PDGFD: variants seen among roughly 807,000 people sequenced by gnomAD.
PDGFD encodes platelet-derived growth factor D.
A neutral mutation model predicts 44.7 loss-of-function variants in PDGFD; 30 were observed. The observed-to-expected ratio is 0.67, with a 90% CI of 0.50 to 0.91. The LOEUF (loss-of-function observed/expected upper bound fraction) is 0.91, where lower values mean the gene tolerates loss of function less well. PDGFD is among the 40% of genes least tolerant of loss of function. The pLI is 0.00. For synonymous variants in PDGFD, 173 were observed against 168.4 expected (o/e 1.03, Z -0.21); for missense variants, 445 against 457.8 (o/e 0.97, Z 0.25).
At position 103,908,398 on chromosome 11, in the gene PDGFD, A is replaced by G. The variant is rs1037735919; in HGVS notation, c.*1296T>C. On this transcript the variant is annotated 3_prime_UTR_variant, in exon 7 of 7. Coordinates refer to ENST00000393158, the MANE Select transcript of PDGFD (RefSeq NM_025208.5). ...GCAGGGCCAAACTTGTGTTACCACA[A>G]TTGACAACTGGCTTCTTAAAGCAAG... is the stretch of plus-strand genomic sequence containing the variant. The G allele has an allele frequency of 3.9e-5, 6 of 152,382 alleles. No homozygotes were observed. Among genetic ancestry groups the G allele is most frequent in the South Asian group, 2.1e-4 (1 of 4,834 alleles). The allele number at this position is 152,382 out of a possible 1,614,324, so 9.4% of individuals were successfully genotyped here.
intron 3 of PDGFD, among the ~76,000 whole-genome samples, chr11:103,984,232 A>C (rs758157474): frequency 1.3e-5 from 2 of 151,748 alleles, no homozygotes; most frequent in African/African-American, 2.4e-5. Flanking sequence ...TGCAGCCATA[A>C]AAAAGAATGA....
chr11:104,051,989 CCCTATACACCTTATG>C (rs1860545791), intron 1 of PDGFD, among the ~76,000 whole-genome samples: 2 of 152,112 alleles, frequency 1.3e-5, no homozygotes, highest in South Asian at 4.1e-4. Context: ...CAAAGGGAAA[CCCTATACACCTTATG>C]CAATTGCTCC....
At chr11:104,126,932 G>T (rs921512999) in intron 1 of PDGFD, among the ~76,000 whole-genome samples, 3 of 151,992 alleles carry the variant, frequency 2.0e-5, no homozygotes, top group African/African-American at 7.3e-5. Flanking sequence ...AGGAAGCCTT[G>T]GTGATACAGC....
At chr11:103,924,502 T>A (rs565489393) in intron 6 of PDGFD, among the ~76,000 whole-genome samples, 11 of 127,534 alleles carry the variant, frequency 8.6e-5, no homozygotes, top group African/African-American at 3.4e-4. Flanking sequence ...GTGGGGTGGA[T>A]CAAGCAATTC....
intron 3 of PDGFD, among the ~76,000 whole-genome samples, chr11:103,962,786 G>T (rs1858958828): frequency 6.6e-6 from 1 of 152,130 alleles, no homozygotes; most frequent in Non-Finnish European, 1.5e-5. Flanking sequence ...CCTCCATAGG[G>T]TTAGTTTGAG....
chr11:103,985,765 G>A (rs553176265), intron 3 of PDGFD, among the ~76,000 whole-genome samples: 4 of 152,206 alleles, frequency 2.6e-5, no homozygotes, highest in Admixed American at 6.5e-5. Context: ...ACATATTTCC[G>A]TAGAAAACTG....
intron 3 of PDGFD, among the ~76,000 whole-genome samples, chr11:103,978,145 T>C (rs1859211714): frequency 6.6e-6 from 1 of 152,100 alleles, no homozygotes; most frequent in African/African-American, 2.4e-5. Context: ...CTTTTCTGTG[T>C]AAACAAACAT....
At chr11:103,981,556 C>A (rs967035904) in intron 3 of PDGFD, among the ~76,000 whole-genome samples, 2 of 151,630 alleles carry the variant, frequency 1.3e-5, no homozygotes, top group African/African-American at 4.9e-5. Context: ...TGAATCCTTC[C>A]CATTTTACAA....
chr11:104,126,804 G>A (rs751249117), intron 1 of PDGFD, among the ~76,000 whole-genome samples: 6 of 151,866 alleles, frequency 4.0e-5, no homozygotes, highest in Non-Finnish European at 8.8e-5. Context: ...ATACCTCAAT[G>A]CAAGTAAAAA....
intron 1 of PDGFD, among the ~76,000 whole-genome samples, chr11:104,130,524 T>C (rs949428783): frequency 6.6e-6 from 1 of 152,164 alleles, no homozygotes; most frequent in Non-Finnish European, 1.5e-5. Context: ...CTGAGCAACA[T>C]AAATTAATGC....
intron 1 of PDGFD, among the ~76,000 whole-genome samples, chr11:104,091,221 T>A (rs1307239740): frequency 6.6e-6 from 1 of 152,222 alleles, no homozygotes; most frequent in African/African-American, 2.4e-5. Flanking sequence ...CTGTTGGACA[T>A]ATTTAAACAT....
rs778016206 is a variant in PDGFD at position 104,037,676 on chromosome 11, G to A, written c.125-37421C>T. ...AACATCATGAGGCTGGTGGACCGAC[G>A]GTGGGCTGGGGTTGCTAAAGGAGTG... On this transcript the variant is annotated intron_variant, in intron 1 of 6. Transcript: ENST00000393158. 11 of 1,614,022 alleles carry A rather than the reference G, an allele frequency of 6.8e-6. No individual in the cohort carries two copies. The highest frequency in any genetic ancestry group is 4.0e-5 in the African/African-American group (3 of 74,912).
At chr11:103,920,882 G>A (rs1565284590) in intron 6 of PDGFD, among the ~76,000 whole-genome samples, 1 of 152,136 alleles carries the variant, frequency 6.6e-6, no homozygotes, top group Non-Finnish European at 1.5e-5. Flanking sequence ...CCACCAATTT[G>A]TTTTTATTCC....
intron 6 of PDGFD, among the ~76,000 whole-genome samples, chr11:103,925,352 G>A (rs12288939): frequency 0.015 from 2,278 of 152,168 alleles, 53 homozygotes; most frequent in African/African-American, 0.053. Context: ...CTGATGGAGA[G>A]CAACTCAAAC....
intron 1 of PDGFD, among the ~76,000 whole-genome samples, chr11:104,158,110 T>G (rs1862333852): frequency 6.6e-6 from 1 of 152,342 alleles, no homozygotes; most frequent in Non-Finnish European, 1.5e-5. Flanking sequence ...GTGCTCTTTG[T>G]GTATTCCTAT....
chr11:104,085,133 T>C (rs867733643), intron 1 of PDGFD, among the ~76,000 whole-genome samples: 97 of 133,276 alleles, frequency 7.3e-4, no homozygotes, highest in African/African-American at 2.8e-3. Flanking sequence ...TTAAATTTTA[T>C]CACATGTGTA....
chr11:104,068,914 C>A lies in PDGFD; in HGVS notation c.125-68659G>T, dbSNP rs534057374. ...GATATCCCCTTACCCCTAAATATTT[C>A]AGTGTGCATTTTCTAAAAGCAAGCA... On this transcript the variant is annotated intron_variant, in intron 1 of 6. Coordinates refer to ENST00000393158, the MANE Select transcript of PDGFD (RefSeq NM_025208.5). Among the ~76,000 whole-genome samples, 5 of 152,220 alleles carry A rather than the reference C, an allele frequency of 3.3e-5. No individual in the cohort carries two copies. In the South Asian group the frequency reaches 6.2e-4, roughly 19 times the overall value.
intron 5 of PDGFD, among the ~76,000 whole-genome samples, chr11:103,928,026 C>T (rs1054139645): frequency 2.1e-4 from 32 of 152,174 alleles, no homozygotes; most frequent in Admixed American, 8.5e-4. Flanking sequence ...TTTATGTTTT[C>T]TTCTTTGGAC....
At chr11:103,980,880 C>T (rs1859260724) in intron 3 of PDGFD, among the ~76,000 whole-genome samples, 2 of 151,964 alleles carry the variant, frequency 1.3e-5, no homozygotes, top group Admixed American at 6.6e-5. Context: ...CATGCTGGCA[C>T]CTTGATCTCA....
Sources: gnomAD v4.1 joint callset for allele counts (sites outside exome capture counted in the v4.1 genomes callset) on GRCh38, gnomAD v4.1.1 for gene constraint, MANE v1.5 for transcripts, NCBI Gene and HGNC (gene_info 2026-07-23, HGNC 2026-07-21) for gene names.